Variants in LINGO2 observed in about 807,000 individuals in gnomAD.
LINGO2 encodes the protein leucine rich repeat and Ig domain containing 2, also known as leucine-rich repeat and immunoglobulin-like domain-containing nogo receptor-interacting protein 2.
LINGO2 carries 14 observed loss-of-function variants against 30.6 expected under a neutral mutation model. That is an observed-to-expected ratio of 0.46 (90% CI 0.30 to 0.72). LINGO2 has a LOEUF of 0.72. Ranked by LOEUF, LINGO2 falls within the 30% of genes least tolerant of loss-of-function variation. The probability of loss-of-function intolerance (pLI) is 0.07; values close to 1 mark genes in which losing one functional copy is unlikely to be tolerated. For missense variants in LINGO2, 729 were observed against 751.7 expected, an observed-to-expected ratio of 0.97 and a Z score of 0.35; for synonymous variants, 317 against 288.5, an observed-to-expected ratio of 1.10 and a Z score of -1.00.
chr9:28,095,842 T>C (rs1443704244), intron 4 of LINGO2, among the ~76,000 whole-genome samples: 3 of 152,004 alleles, frequency 2.0e-5, no homozygotes, highest in Non-Finnish European at 4.4e-5. Context: ...GAATCTACAA[T>C]GAACTCAAAC....
the LINGO2 span, among the ~76,000 whole-genome samples, chr9:29,022,776 C>G: frequency 1.3e-5 from 2 of 152,086 alleles, no homozygotes; most frequent in African/African-American, 4.8e-5. Context: ...CTCTATGGAT[C>G]AAAGAGTTCT....
At chr9:28,983,917 T>C in the LINGO2 span, among the ~76,000 whole-genome samples, 2 of 152,026 alleles carry the variant, frequency 1.3e-5, no homozygotes, top group Non-Finnish European at 2.9e-5. Flanking sequence ...CAGTCTATCA[T>C]CCTTGGTCTG....
the LINGO2 span, among the ~76,000 whole-genome samples, chr9:28,974,096 G>T: frequency 1.2e-4 from 19 of 152,244 alleles, no homozygotes; most frequent in East Asian, 3.5e-3. Context: ...AACTTTTCAA[G>T]ATATAGGCAG....
chr9:28,652,284 TATTA>T (rs1563894261), intron 1 of LINGO2, among the ~76,000 whole-genome samples: 1 of 152,116 alleles, frequency 6.6e-6, no homozygotes, highest in Non-Finnish European at 1.5e-5. Flanking sequence ...TTTCATAGAC[TATTA>T]ATTGTGATTT....
chr9:28,930,676 G>A, the LINGO2 span, among the ~76,000 whole-genome samples: 6 of 152,004 alleles, frequency 3.9e-5, no homozygotes, highest in South Asian at 2.1e-4. The surrounding 1 kb of genome is among the most constrained non-coding windows in gnomAD (Gnocchi z 4.2). Flanking sequence ...AGAAATTATC[G>A]AGATAGGGAA....
intron 4 of LINGO2, among the ~76,000 whole-genome samples, chr9:28,191,641 C>T (rs950445883): frequency 4.6e-5 from 7 of 152,042 alleles, no homozygotes; most frequent in African/African-American, 1.7e-4. Context: ...ATGCTCAATG[C>T]CAGGAACATG....
chr9:28,968,675 C>A, the LINGO2 span, among the ~76,000 whole-genome samples: 1 of 152,096 alleles, frequency 6.6e-6, no homozygotes, highest in Non-Finnish European at 1.5e-5. Flanking sequence ...TGAATTAGAT[C>A]TCAGAAGTCC....
At chr9:28,927,506 T>G in the LINGO2 span, among the ~76,000 whole-genome samples, 1 of 152,322 alleles carries the variant, frequency 6.6e-6, no homozygotes, top group East Asian at 1.9e-4. Context: ...TTGAGATGGA[T>G]GATTTAGTAT....
intron 2 of LINGO2, among the ~76,000 whole-genome samples, chr9:28,455,763 C>T (rs1174874835): frequency 1.3e-5 from 2 of 152,126 alleles, no homozygotes; most frequent in Non-Finnish European, 2.9e-5. Flanking sequence ...CTTCATTAGA[C>T]AGCCTTCATC....
chr9:27,958,986 A>T (rs1208914864), intron 5 of LINGO2, among the ~76,000 whole-genome samples: 1 of 152,190 alleles, frequency 6.6e-6, no homozygotes, highest in African/African-American at 2.4e-5. Context: ...GAATATTTAC[A>T]TGTCCTATTT....
chr9:28,858,035 A>G, the LINGO2 span, among the ~76,000 whole-genome samples: 1 of 152,010 alleles, frequency 6.6e-6, no homozygotes, highest in South Asian at 2.1e-4. Flanking sequence ...AACACTACCA[A>G]ACATTCTAAT....
intron 1 of LINGO2, among the ~76,000 whole-genome samples, chr9:28,554,407 AT>A (rs1172501844): frequency 7.1e-6 from 1 of 140,206 alleles, no homozygotes. Context: ...AAAGAAGGCC[AT>A]TACATAATGG....
chr9:28,026,658 A>C (rs1482141882), intron 4 of LINGO2, among the ~76,000 whole-genome samples: 2 of 152,222 alleles, frequency 1.3e-5, no homozygotes, highest in Non-Finnish European at 2.9e-5. Flanking sequence ...TTTTCAAGTC[A>C]GTCAATACAT....
At chr9:28,861,288 T>C in the LINGO2 span, among the ~76,000 whole-genome samples, 3 of 125,952 alleles carry the variant, frequency 2.4e-5, no homozygotes, top group East Asian at 6.3e-4. Context: ...ATATATTATA[T>C]ATTTTATATA....
chr9:28,370,635 G>A (rs946019201), intron 3 of LINGO2, among the ~76,000 whole-genome samples: 5 of 152,178 alleles, frequency 3.3e-5, no homozygotes, highest in African/African-American at 1.2e-4. Flanking sequence ...TTTGAGAAAT[G>A]CTTAAAAATA....
the LINGO2 span, among the ~76,000 whole-genome samples, chr9:28,922,131 T>G: frequency 4.8e-3 from 724 of 152,326 alleles, 6 homozygotes; most frequent in African/African-American, 0.017. Context: ...CTTTCATTAC[T>G]ATTTCTCAAG....
At chr9:28,335,387 C>T (rs945347210) in intron 3 of LINGO2, among the ~76,000 whole-genome samples, 4 of 152,146 alleles carry the variant, frequency 2.6e-5, no homozygotes, top group Non-Finnish European at 5.9e-5. Context: ...TCACTTCAGG[C>T]AAGACATTTC....
the LINGO2 span, among the ~76,000 whole-genome samples, chr9:28,951,574 C>A: frequency 1.3e-5 from 2 of 152,102 alleles, no homozygotes; most frequent in African/African-American, 4.8e-5. Flanking sequence ...CCAGGTGGCT[C>A]GTATCCCATC....
the LINGO2 span, among the ~76,000 whole-genome samples, chr9:29,188,186 C>T: frequency 5.9e-5 from 9 of 151,434 alleles, no homozygotes; most frequent in Non-Finnish European, 1.2e-4. Flanking sequence ...TGTTTGTGTC[C>T]CTGGGTACTT....
Sources: gnomAD v4.1 joint callset for allele counts (sites outside exome capture counted in the v4.1 genomes callset) on GRCh38, gnomAD v4.1.1 for gene constraint, Gnocchi (gnomAD v3.1) non-coding constraint, MANE v1.5 for transcripts, NCBI Gene and HGNC (gene_info 2026-07-23, HGNC 2026-07-21) for gene names.